USP30: variants seen among roughly 807,000 people sequenced by gnomAD.
USP30 encodes ubiquitin carboxyl-terminal hydrolase 30.
A neutral mutation model predicts 68.2 loss-of-function variants in USP30; 41 were observed. The ratio of observed to expected loss-of-function variants is 0.60; its 90% CI spans 0.47 to 0.78. USP30 has a LOEUF of 0.78. Among genes scored for constraint, USP30 ranks in the 30% least tolerant of loss-of-function variants. The probability of loss-of-function intolerance (pLI) is 0.00; values close to 1 mark genes in which losing one functional copy is unlikely to be tolerated. For synonymous variants in USP30, 229 were observed against 253.7 expected, an observed-to-expected ratio of 0.90 and a Z score of 0.93; for missense variants, 522 against 649.4, an observed-to-expected ratio of 0.80 and a Z score of 2.13.
rs761961429 is a variant in USP30 at position 109,085,657 on chromosome 12, T to C, written c.1290-10T>C. 1 of 1,613,476 alleles carries C rather than the reference T, an allele frequency of 6.2e-7. No individual in the cohort carries two copies. The highest frequency in any genetic ancestry group is 1.1e-5 in the South Asian group (1 of 91,074). On this transcript the variant is annotated splice_polypyrimidine_tract_variant and intron_variant, in intron 12 of 12. Coordinates refer to ENST00000257548, the MANE Select transcript of USP30 (RefSeq NM_032663.5). ...ATTGTAAACCCCTGACATGTGTTCG[T>C]ATCATTCAGCTCCTCCACATACCTC...
intron 3 of USP30, among the ~76,000 whole-genome samples, chr12:109,064,189 G>A (rs901827106): frequency 2.6e-5 from 4 of 151,896 alleles, no homozygotes; most frequent in African/African-American, 9.7e-5. Context: ...GTTTTTTGTT[G>A]TTGAGTTTTA....
At chr12:109,044,313 G>A (rs2040585246) in intron 3 of USP30, among the ~76,000 whole-genome samples, 1 of 152,172 alleles carries the variant, frequency 6.6e-6, no homozygotes, top group African/African-American at 2.4e-5. Context: ...ACAACATTAT[G>A]AATGTCTTTC....
chr12:109,029,792 A>G (rs1441760982), intron 3 of USP30, among the ~76,000 whole-genome samples: 9 of 152,178 alleles, frequency 5.9e-5, no homozygotes, highest in Non-Finnish European at 1.5e-5. Context: ...ATGGCAGTCC[A>G]TAACAGAGAA....
chr12:109,067,289 TTTTA>T (rs1289318127), intron 3 of USP30, among the ~76,000 whole-genome samples: 1 of 151,690 alleles, frequency 6.6e-6, no homozygotes, highest in Non-Finnish European at 1.5e-5. Flanking sequence ...AATTTTTTTT[TTTTA>T]TTTTTAGTGG....
intron 3 of USP30, among the ~76,000 whole-genome samples, chr12:109,041,872 G>C (rs549343923): frequency 2.0e-5 from 3 of 151,800 alleles, no homozygotes; most frequent in African/African-American, 7.2e-5. Flanking sequence ...AGCACAACCA[G>C]AAAAAAATAG....
intron 3 of USP30, among the ~76,000 whole-genome samples, chr12:109,042,341 T>A (rs1205833417): frequency 6.6e-6 from 1 of 152,224 alleles, no homozygotes; most frequent in Non-Finnish European, 1.5e-5. Flanking sequence ...CTTTCTGTCC[T>A]CAGTCATACG....
Position 109,052,754 on chromosome 12 carries a change from G to T in USP30, c.76G>T (p.Ala26Ser). Residue 26 changes from alanine to serine, a missense_variant, in exon 1 of 13, where the codon GCC (alanine) becomes TCC (serine). Coordinates refer to ENST00000257548, the MANE Select transcript of USP30 (RefSeq NM_032663.5). The stretch of plus-strand genomic sequence containing the variant: ...CCAGCGCTTCCTGCGGACCGGGGCG[G>T]CCGTCAGGTGAGATTTTGGGGGGCG... ...AIQRFLRTGAAVRYKVMKNWG... is the reference protein window; with the variant it reads ...AIQRFLRTGASVRYKVMKNWG... The T allele has an allele frequency of 1.4e-6, 2 of 1,451,846 alleles. No individual in the cohort carries two copies. 89.9% of individuals were successfully genotyped at this position (1,451,846 alleles called of 1,614,324 possible). A position where few individuals can be genotyped will look rare whatever the true frequency, so the allele number is the denominator to read the frequency against.
At chr12:109,073,665 C>T (rs923968121) in intron 7 of USP30, 133 bp downstream of exon 7, 1 of 716,412 alleles carries the variant, frequency 1.4e-6, no homozygotes, top group African/African-American at 1.8e-5. Context: ...CACTAGTGGA[C>T]TGACTACCCC....
At chr12:109,032,937 G>A (rs1252971182) in intron 3 of USP30, among the ~76,000 whole-genome samples, 1 of 152,158 alleles carries the variant, frequency 6.6e-6, no homozygotes, top group East Asian at 1.9e-4. Flanking sequence ...TACTTTAAGG[G>A]AGACTGGAAT....
chr12:109,063,163 G>A (rs182574479), intron 3 of USP30, among the ~76,000 whole-genome samples: 116 of 151,990 alleles, frequency 7.6e-4, no homozygotes, highest in Non-Finnish European at 3.2e-4. Flanking sequence ...GCAGTGGTGC[G>A]ATCTTAGCTC....
At chr12:109,054,376 C>T (rs1325365471) in intron 1 of USP30, among the ~76,000 whole-genome samples, 1 of 151,778 alleles carries the variant, frequency 6.6e-6, no homozygotes, top group East Asian at 1.9e-4. Context: ...TTAAAAATTA[C>T]CTGGGCATGT....
intron 3 of USP30, among the ~76,000 whole-genome samples, chr12:109,040,553 A>G (rs1329478760): frequency 6.6e-6 from 1 of 152,122 alleles, no homozygotes; most frequent in Admixed American, 6.5e-5. Context: ...TTGGCTGGCT[A>G]TTGCTCAGGG....
At chr12:109,081,524 A>T in intron 8 of USP30, 131 bp downstream of exon 8, 1 of 887,422 alleles carries the variant, frequency 1.1e-6, no homozygotes, top group Non-Finnish European at 1.8e-6. Flanking sequence ...CCCTCTCTTA[A>T]CTTTCATATG....
chr12:109,058,057 G>T lies in USP30; in HGVS notation c.325G>T (p.Glu109Ter). The T allele has an allele frequency of 6.2e-7, 1 of 1,614,052 alleles. No homozygotes were observed. Among genetic ancestry groups the T allele is most frequent in the Non-Finnish European group, 8.5e-7 (1 of 1,180,006 alleles). ...CTCCCAGTACTCCAGGGATCAGAAGGAGCCCCCCTCACACCAGTATTTATC... is the reference window on the plus strand; with the variant it reads ...CTCCCAGTACTCCAGGGATCAGAAGTAGCCCCCCTCACACCAGTATTTATC... ...FTSQYSRDQK[E>*]PPSHQYLSLT... Residue 109 changes from glutamate (E) to a stop codon, truncating the protein, a stop_gained, in exon 3 of 13, where the codon GAG becomes TAG. Transcript: ENST00000257548. LOFTEE classifies it high-confidence loss of function.
chr12:109,065,918 C>T (rs374266014), intron 3 of USP30, among the ~76,000 whole-genome samples: 2 of 152,128 alleles, frequency 1.3e-5, no homozygotes, highest in East Asian at 1.9e-4. Flanking sequence ...GCTGCAGTGG[C>T]AGAGTTGAGT....
rs1457926533 is a variant in USP30, at chr12:109,082,976, A to G, written c.1082A>G (p.His361Arg). 4.5e-5 allele frequency: 73 copies of G among 1,614,148 alleles called. No individual in the cohort carries two copies. Among genetic ancestry groups the G allele is most frequent in the Non-Finnish European group, 5.8e-5 (69 of 1,180,044 alleles). ...MDIYKYHLLG[H>R]KPSQHNPKLN... ...ATTTACAAGTACCACCTCCTTGGAC[A>G]TAAACCTAGTCAACACAACCCTAAA... The change falls in exon 11 of 13, where the codon CAT becomes CGT. Residue 361 changes from histidine (H) to arginine (R), a missense_variant. Coordinates refer to ENST00000257548, the MANE Select transcript of USP30 (RefSeq NM_032663.5).
rs1050316379 is a variant in USP30 at position 109,070,177 on chromosome 12, G to A, written c.481-1435G>A. ...AAGAATGCAAGCCGAGAGGAAAGGTGGGAGGCCGCTGCAGTTATCTGGCCG... is the reference window on the plus strand; with the variant it reads ...AAGAATGCAAGCCGAGAGGAAAGGTAGGAGGCCGCTGCAGTTATCTGGCCG... On this transcript the variant is annotated intron_variant, in intron 4 of 12. Coordinates refer to ENST00000257548, the MANE Select transcript of USP30 (RefSeq NM_032663.5). This position sits in a 1 kb window ranked among gnomAD's most constrained non-coding sequence, Gnocchi z 4.0. Among the ~76,000 whole-genome samples the A allele has an allele frequency of 6.6e-6, 1 of 152,178 alleles. No individual in the cohort carries two copies. Among genetic ancestry groups the A allele is most frequent in the African/African-American group, 2.4e-5 (1 of 41,428 alleles).
At chr12:109,049,784 C>G (rs1055434854), upstream of USP30, among the ~76,000 whole-genome samples, 4 of 151,874 alleles carry the variant, frequency 2.6e-5, no homozygotes, top group Admixed American at 1.3e-4. Flanking sequence ...CCACTGCACT[C>G]CAGCCTGCAT....
intron 8 of USP30, 112 bp from the exon 9 acceptor site, chr12:109,081,821 T>A: frequency 9.1e-7 from 1 of 1,096,278 alleles, no homozygotes; most frequent in South Asian, 1.4e-5. Context: ...CTATAAAACT[T>A]TATTGCCTGC....
Sources: allele counts gnomAD v4.1 joint callset (sites outside exome capture counted in the v4.1 genomes callset), GRCh38; gene constraint gnomAD v4.1.1; non-coding constraint Gnocchi (gnomAD v3.1); transcripts MANE v1.5; gene names NCBI Gene and HGNC (gene_info 2026-07-23, HGNC 2026-07-21).